Variants in C8orf34 observed in about 807,000 individuals in gnomAD.
The protein encoded by C8orf34 is uncharacterized protein C8orf34.
Under a neutral mutation model 68.3 loss-of-function variants are expected in C8orf34, and 65 were observed. The ratio of observed to expected loss-of-function variants is 0.95; its 90% CI spans 0.78 to 1.17. The LOEUF is 1.17. C8orf34 is among the 50% of genes most tolerant of loss of function. C8orf34 has a pLI of 0.00. For missense variants in C8orf34, 664 were observed against 655.4 expected (o/e 1.01, Z -0.14); for synonymous variants, 244 against 241.2 (o/e 1.01, Z -0.11).
intron 7 of C8orf34, among the ~76,000 whole-genome samples, chr8:68,554,875 A>G (rs1464212143): frequency 6.6e-6 from 1 of 152,124 alleles, no homozygotes; most frequent in East Asian, 1.9e-4. Context: ...ATGTGCCATT[A>G]TATTTTAGTT....
chr8:68,680,227 GA>G lies in C8orf34; in HGVS notation c.1242-28760del, dbSNP rs557868891. 6.6e-5 allele frequency among the ~76,000 whole-genome samples: 10 copies of G among 152,104 alleles called. No individual in the cohort carries two copies. In the East Asian group the frequency reaches 9.7e-4, roughly 15 times the overall value. On this transcript the variant is annotated intron_variant, in intron 8 of 13. Transcript: ENST00000518698. ...ATAAGGAGCTCATATGACTCTATAG[GA>G]AAAAAATCTAATAATGGGGCAAAAG...
intron 7 of C8orf34, among the ~76,000 whole-genome samples, chr8:68,592,291 A>G (rs1165496468): frequency 6.6e-6 from 1 of 152,038 alleles, no homozygotes; most frequent in Non-Finnish European, 1.5e-5. Context: ...TAGCATATCT[A>G]TTTATTCAAC....
At chr8:68,808,067 C>A (rs1017657439) in intron 12 of C8orf34, among the ~76,000 whole-genome samples, 5 of 152,112 alleles carry the variant, frequency 3.3e-5, no homozygotes, top group African/African-American at 7.2e-5. Context: ...TTGGTAGATA[C>A]CTTTAGAGGA....
intron 4 of C8orf34, among the ~76,000 whole-genome samples, chr8:68,485,484 C>T (rs1813034484): frequency 6.6e-6 from 1 of 151,982 alleles, no homozygotes. Context: ...GAGGCCCAGG[C>T]AGGCGGATCA....
rs191003119 is a variant in C8orf34, at chr8:68,617,464, T to C, written c.1106-22912T>C. Among the ~76,000 whole-genome samples the C allele has an allele frequency of 9.6e-3, 1,467 of 152,344 alleles. 26 individuals are homozygous for C. Among genetic ancestry groups the C allele is most frequent in the African/African-American group, 0.034 (1,407 of 41,572 alleles). On this transcript the variant is annotated intron_variant, in intron 7 of 13. Transcript: ENST00000518698. ...TATTTAGTGCTTCCTTCAGGAGCTC[T>C]TGTAGGGCAGGCCTTGTGGTGACAA...
chr8:68,790,921 A>G lies in C8orf34; in HGVS notation c.1549+3385A>G, dbSNP rs575993119. On this transcript the variant is annotated intron_variant, in intron 12 of 13. Transcript: ENST00000518698. ...GTTGAGAACTAGAAGAAAAATTTCA[A>G]TGAGTCAGAGGGTTATGTTTTCTGA... The G allele has an allele frequency of 7.8e-5, 54 of 696,316 alleles. 1 individual carries two copies. Among genetic ancestry groups the G allele is most frequent in the African/African-American group, 1.4e-4 (8 of 56,852 alleles). 43.1% of individuals were successfully genotyped at this position (696,316 alleles called of 1,614,324 possible). A position where few individuals can be genotyped will look rare whatever the true frequency, so the allele number is the denominator to read the frequency against.
At chr8:68,517,089 T>C (rs1814552245) in intron 5 of C8orf34, among the ~76,000 whole-genome samples, 1 of 152,216 alleles carries the variant, frequency 6.6e-6, no homozygotes, top group African/African-American at 2.4e-5. Context: ...TAAATGTTTT[T>C]TTACCCATGT....
intron 1 of C8orf34, among the ~76,000 whole-genome samples, chr8:68,376,106 C>G (rs966047359): frequency 8.6e-5 from 13 of 151,418 alleles, no homozygotes; most frequent in African/African-American, 3.2e-4. Flanking sequence ...ATTTGTATCT[C>G]CATGGCCTAG....
At chr8:68,462,425 T>C (rs1285127025) in intron 3 of C8orf34, among the ~76,000 whole-genome samples, 2 of 152,020 alleles carry the variant, frequency 1.3e-5, no homozygotes, top group Admixed American at 1.3e-4. Flanking sequence ...TGAACTCAGC[T>C]CTGCACCAAG....
rs1283446343 is a variant in C8orf34, at chr8:68,518,112, T to C, written c.766-3687T>C. 2.6e-5 allele frequency among the ~76,000 whole-genome samples: 4 copies of C among 152,146 alleles called. No individual in the cohort carries two copies. In the East Asian group the frequency reaches 7.7e-4, roughly 29 times the overall value. ...TGGCTTATACACAGAATTTTATGGT[T>C]TATCTGTATCCCAAACCTCAGCATC... On this transcript the variant is annotated intron_variant, in intron 5 of 13. Transcript: ENST00000518698.
intron 3 of C8orf34, among the ~76,000 whole-genome samples, chr8:68,461,641 A>G (rs1477733928): frequency 6.6e-5 from 10 of 152,200 alleles, no homozygotes; most frequent in African/African-American, 1.9e-4. Flanking sequence ...AATATTCAAC[A>G]TTGTTAAAGA....
chr8:68,374,305 TG>T (rs1231896916), intron 1 of C8orf34, among the ~76,000 whole-genome samples: 1 of 152,216 alleles, frequency 6.6e-6, no homozygotes, highest in Non-Finnish European at 1.5e-5. Context: ...TGGTGTGTTT[TG>T]GATACATCTA....
intron 7 of C8orf34, among the ~76,000 whole-genome samples, chr8:68,630,113 T>C (rs1818647343): frequency 6.6e-6 from 1 of 152,066 alleles, no homozygotes; most frequent in African/African-American, 2.4e-5. Flanking sequence ...TTTATTAATA[T>C]ATTCATGACA....
Position 68,599,824 on chromosome 8 carries a change from A to G in C8orf34, c.1106-40552A>G, listed in dbSNP as rs543430417. 6.6e-5 allele frequency among the ~76,000 whole-genome samples: 10 copies of G among 152,184 alleles called. No homozygotes were observed. In the East Asian group the frequency reaches 1.7e-3, roughly 26 times the overall value. ...ATTAAAGTTTTGCTTACCAAATGTC[A>G]CATTTGAAAAGATGAAAAGACAAAA... is the stretch of plus-strand genomic sequence containing the variant. On this transcript the variant is annotated intron_variant, in intron 7 of 13. Coordinates refer to ENST00000518698, the MANE Select transcript of C8orf34 (RefSeq NM_052958.4).
intron 7 of C8orf34, among the ~76,000 whole-genome samples, chr8:68,639,169 T>C (rs1585655475): frequency 6.6e-6 from 1 of 152,082 alleles, no homozygotes; most frequent in East Asian, 1.9e-4. Flanking sequence ...CACCAGGTTT[T>C]GAATTGGCAC....
intron 2 of C8orf34, among the ~76,000 whole-genome samples, chr8:68,445,518 T>C (rs943227912): frequency 2.0e-5 from 3 of 152,142 alleles, no homozygotes; most frequent in Admixed American, 6.5e-5. Context: ...CACCCTTTAA[T>C]TGTGGAATGG....
chr8:68,473,401 C>G (rs560377542), intron 4 of C8orf34, among the ~76,000 whole-genome samples: 3 of 152,142 alleles, frequency 2.0e-5, no homozygotes, highest in Non-Finnish European at 4.4e-5. Flanking sequence ...GATAGGCTTT[C>G]CACTTGGCAG....
intron 1 of C8orf34, among the ~76,000 whole-genome samples, chr8:68,378,602 G>A (rs1563390411): frequency 6.6e-6 from 1 of 152,112 alleles, no homozygotes; most frequent in Non-Finnish European, 1.5e-5. Context: ...GCTTATTTTA[G>A]GATGAGATCC....
chr8:68,372,889 T>C (rs1421216899), intron 1 of C8orf34, among the ~76,000 whole-genome samples: 1 of 152,178 alleles, frequency 6.6e-6, no homozygotes, highest in Non-Finnish European at 1.5e-5. Flanking sequence ...GGAAGTCAGC[T>C]GACAAAGGAA....
Sources: gnomAD v4.1 joint callset for allele counts (sites outside exome capture counted in the v4.1 genomes callset) on GRCh38, gnomAD v4.1.1 for gene constraint, MANE v1.5 for transcripts, NCBI Gene and HGNC (gene_info 2026-07-23, HGNC 2026-07-21) for gene names.